Variants in SYN2 observed in about 807,000 individuals in gnomAD.
SYN2 encodes the protein synapsin II.
A neutral mutation model predicts 50.9 loss-of-function variants in SYN2; 19 were observed. The observed-to-expected ratio is 0.37, with a 90% CI of 0.26 to 0.55. The LOEUF (loss-of-function observed/expected upper bound fraction) is 0.55, where lower values mean the gene tolerates loss of function less well. Ranked by LOEUF, SYN2 falls within the 20% of genes least tolerant of loss-of-function variation. The probability of loss-of-function intolerance (pLI) is 0.81; values close to 1 mark genes in which losing one functional copy is unlikely to be tolerated. For missense variants in SYN2, 587 were observed against 576.4 expected, an observed-to-expected ratio of 1.02 and a Z score of -0.19; for synonymous variants, 255 against 224.9, an observed-to-expected ratio of 1.13 and a Z score of -1.20.
chr3:12,028,026 C>CCCCCCT (rs1304334282), intron 1 of SYN2, among the ~76,000 whole-genome samples: 1 of 58,254 alleles, frequency 1.7e-5, no homozygotes, highest in African/African-American at 6.7e-5. Flanking sequence ...TTCTTTCCCT[C>CCCCCCT]CCCCCTCCCC....
chr3:12,051,426 G>A (rs375141415), intron 1 of SYN2, among the ~76,000 whole-genome samples: 110,598 of 151,138 alleles, frequency 0.73, 40,699 homozygotes, highest in Admixed American at 0.8. Context: ...TGGTCTTCTA[G>A]TTTTGTCCTC....
At chr3:12,188,893 C>T (rs1252762396) in intron 12 of SYN2, among the ~76,000 whole-genome samples, 1 of 152,188 alleles carries the variant, frequency 6.6e-6, no homozygotes, top group African/African-American at 2.4e-5. Context: ...AGGGCAGATC[C>T]TTGGATTGTC....
intron 1 of SYN2, among the ~76,000 whole-genome samples, chr3:12,012,102 G>A (rs1037037435): frequency 2.6e-5 from 4 of 151,238 alleles, no homozygotes; most frequent in Non-Finnish European, 5.9e-5. Flanking sequence ...GAGGGCCACC[G>A]ACTCAAGACA....
chr3:12,186,622 A>G (rs189456968), intron 11 of SYN2, among the ~76,000 whole-genome samples: 1 of 152,244 alleles, frequency 6.6e-6, no homozygotes, highest in African/African-American at 2.4e-5. Flanking sequence ...GGAAGAATGG[A>G]TTTCTCCTGG....
intron 12 of SYN2, 143 bp from the exon 13 acceptor site, chr3:12,190,347 G>A (rs1698422581): frequency 1.1e-6 from 1 of 931,012 alleles, no homozygotes; most frequent in Non-Finnish European, 1.7e-6. Context: ...TTGGTAGCAT[G>A]GCCACTTCTG....
At chr3:12,044,181 T>TCTCACACACA (rs573246278) in intron 1 of SYN2, among the ~76,000 whole-genome samples, 6 of 53,358 alleles carry the variant, frequency 1.1e-4, no homozygotes, top group Non-Finnish European at 1.8e-4. Flanking sequence ...TCTCTCTCTC[T>TCTCACACACA]CACACACACA....
intron 1 of SYN2, among the ~76,000 whole-genome samples, chr3:12,015,038 G>A (rs1693998522): frequency 6.6e-6 from 1 of 152,134 alleles, no homozygotes; most frequent in South Asian, 2.1e-4. Context: ...GCCTTTCTTT[G>A]ATTTGCCACA....
intron 1 of SYN2, among the ~76,000 whole-genome samples, chr3:12,127,222 A>G (rs755276519): frequency 9.8e-5 from 15 of 152,322 alleles, no homozygotes; most frequent in East Asian, 7.7e-4. Context: ...GTGTATTTCA[A>G]TGGATCATTA....
At chr3:12,089,494 C>T (rs536669014) in intron 1 of SYN2, among the ~76,000 whole-genome samples, 11 of 152,206 alleles carry the variant, frequency 7.2e-5, no homozygotes, top group East Asian at 1.9e-4. Flanking sequence ...CATATCAATG[C>T]GCAATCATTA....
rs141227158 is a variant in SYN2, at chr3:12,036,743, C to T, written c.377+31815C>T. ...TAGCTGTACTACTCTGTTTAACAAA[C>T]TGTCAATTGGCTACATCCTTAGTAT... On this transcript the variant is annotated intron_variant, in intron 1 of 12. Transcript: ENST00000621198. 4.7e-3 allele frequency among the ~76,000 whole-genome samples: 722 copies of T among 152,344 alleles called. 5 individuals carry two copies. The highest frequency in any genetic ancestry group is 0.016 in the African/African-American group (685 of 41,566).
At position 12,069,715 on chromosome 3, in the gene SYN2, A is replaced by T. The variant is rs116063053; in HGVS notation, c.377+64787A>T. Among the ~76,000 whole-genome samples, 724 of 151,998 alleles carry T rather than the reference A, an allele frequency of 4.8e-3. 5 individuals carry two copies. Among genetic ancestry groups the T allele is most frequent in the African/African-American group, 0.017 (688 of 41,442 alleles). On this transcript the variant is annotated intron_variant, in intron 1 of 12. Transcript: ENST00000621198. ...GAAGGTTCCAGTTTCTCCACATCAC[A>T]TCCTCATCAACATTTATTATTGTCC...
intron 1 of SYN2, among the ~76,000 whole-genome samples, chr3:12,090,352 A>G (rs1695799601): frequency 7.1e-6 from 1 of 141,662 alleles, no homozygotes; most frequent in Admixed American, 7.4e-5. Context: ...GGTCATACCT[A>G]GGATCCCATG....
chr3:12,040,430 C>CTTTT (rs34991752), intron 1 of SYN2, among the ~76,000 whole-genome samples: 2 of 109,272 alleles, frequency 1.8e-5, no homozygotes, highest in African/African-American at 3.3e-5. Context: ...AGTTCTGTTT[C>CTTTT]TTTTTTTTTT....
intron 1 of SYN2, among the ~76,000 whole-genome samples, chr3:12,078,039 T>C (rs1165258467): frequency 6.6e-6 from 1 of 152,218 alleles, no homozygotes; most frequent in Non-Finnish European, 1.5e-5. Flanking sequence ...GGTATCTCAT[T>C]GTGGTTTTGA....
chr3:12,120,640 T>G (rs1639974564), intron 1 of SYN2, among the ~76,000 whole-genome samples: 1 of 152,224 alleles, frequency 6.6e-6, no homozygotes, highest in Admixed American at 6.5e-5. Flanking sequence ...GAGGTGGTAG[T>G]TGTTTATAAC....
At chr3:12,133,735 G>A (rs1431365734) in intron 1 of SYN2, among the ~76,000 whole-genome samples, 2 of 152,168 alleles carry the variant, frequency 1.3e-5, no homozygotes, top group Admixed American at 6.5e-5. Context: ...CAGATCTTAG[G>A]CATATCTGAC....
At chr3:12,163,727 A>G (rs1354368141) in intron 7 of SYN2, among the ~76,000 whole-genome samples, 2 of 152,158 alleles carry the variant, frequency 1.3e-5, no homozygotes, top group Non-Finnish European at 1.5e-5. Flanking sequence ...TTAGTTTACA[A>G]TTTTATATTT....
At position 12,040,586 on chromosome 3, in the gene SYN2, C is replaced by G. The variant is rs564341975; in HGVS notation, c.377+35658C>G. Among the ~76,000 whole-genome samples the G allele has an allele frequency of 2.6e-5, 4 of 152,026 alleles. No individual in the cohort carries two copies. In the East Asian group the frequency reaches 7.7e-4, roughly 29 times the overall value. The stretch of plus-strand genomic sequence containing the variant: ...TAGCTGGGACTACAGACGCCCGCCA[C>G]CACACCCGGCTAATTTTTTGTATTT... On this transcript the variant is annotated intron_variant, in intron 1 of 12. Transcript: ENST00000621198.
At chr3:12,189,583 C>T (rs1469540993) in intron 12 of SYN2, among the ~76,000 whole-genome samples, 1 of 151,978 alleles carries the variant, frequency 6.6e-6, no homozygotes, top group South Asian at 2.1e-4. Flanking sequence ...CAGAGGCGGA[C>T]GGATCATGAG....
Sources: allele counts gnomAD v4.1 joint callset (sites outside exome capture counted in the v4.1 genomes callset), GRCh38; gene constraint gnomAD v4.1.1; transcripts MANE v1.5; gene names NCBI Gene and HGNC (gene_info 2026-07-23, HGNC 2026-07-21).